Variants in RELN observed in about 807,000 individuals in gnomAD.
RELN encodes the protein reelin.
Under a neutral mutation model 427.6 loss-of-function variants are expected in RELN, and 108 were observed. The ratio of observed to expected loss-of-function variants is 0.25; its 90% CI spans 0.22 to 0.30. The LOEUF (loss-of-function observed/expected upper bound fraction) is 0.30. RELN is among the 10% of genes least tolerant of loss of function. The pLI is 1.00. For synonymous variants in RELN, 1,524 were observed against 1,513.4 expected (o/e 1.01, Z -0.16); for missense variants, 3,715 against 4,302.8 (o/e 0.86, Z 3.82).
At chr7:103,667,538 T>G (rs1361508637) in intron 11 of RELN, among the ~76,000 whole-genome samples, 3 of 152,182 alleles carry the variant, frequency 2.0e-5, no homozygotes, top group Non-Finnish European at 4.4e-5. Flanking sequence ...TTCAGGAAAA[T>G]AAATATAATG....
rs570023220 is a variant in RELN, at chr7:103,636,991, C to T, written c.2070-523G>A. On this transcript the variant is annotated intron_variant, in intron 17 of 64. Coordinates refer to ENST00000428762, the MANE Select transcript of RELN (RefSeq NM_005045.4). ...ATAAAGGGAATGTGTACACCCTTGACCTAGATAGATGTCCTTAGCAGAACT... is the reference window on the plus strand; with the variant it reads ...ATAAAGGGAATGTGTACACCCTTGATCTAGATAGATGTCCTTAGCAGAACT... Among the ~76,000 whole-genome samples the T allele has an allele frequency of 2.2e-4, 34 of 152,252 alleles. 1 individual carries two copies. In the South Asian group the frequency reaches 2.9e-3, roughly 13 times the overall value.
In RELN at chr7:103,964,568, TA is replaced by T. The variant is rs1388593285; in HGVS notation, c.226+24562del. Among the ~76,000 whole-genome samples the T allele has an allele frequency of 2.6e-5, 4 of 152,320 alleles. No homozygotes were observed. In the East Asian group the frequency reaches 7.7e-4, roughly 29 times the overall value. On this transcript the variant is annotated intron_variant, in intron 1 of 64. Transcript: ENST00000428762. ...CTATCACTCCTGGGAGTCCACTAAA[TA>T]AATTATTTAAAGAATTGCACCTAAA...
intron 3 of RELN, among the ~76,000 whole-genome samples, chr7:103,777,426 A>G (rs1199356017): frequency 6.6e-6 from 1 of 152,226 alleles, no homozygotes; most frequent in Non-Finnish European, 1.5e-5. Flanking sequence ...AGCCATACAC[A>G]AAACTTTTTT....
chr7:103,863,033 A>G (rs773957147), intron 2 of RELN, among the ~76,000 whole-genome samples: 24 of 152,174 alleles, frequency 1.6e-4, no homozygotes, highest in Non-Finnish European at 3.2e-4. Context: ...CCAAACACCA[A>G]GAGGGCAAAA....
intron 24 of RELN, among the ~76,000 whole-genome samples, chr7:103,599,017 T>A (rs995271910): frequency 3.3e-5 from 5 of 152,218 alleles, no homozygotes; most frequent in South Asian, 4.1e-4. Flanking sequence ...AATTCTAGGT[T>A]AAAATGATTT....
intron 50 of RELN, among the ~76,000 whole-genome samples, chr7:103,514,215 TAATG>T (rs1395677344): frequency 3.9e-5 from 6 of 152,184 alleles, no homozygotes; most frequent in Admixed American, 3.9e-4. Context: ...ATGGGATATA[TAATG>T]AATATCACTG....
At chr7:103,558,710 C>T (rs756192049) in intron 36 of RELN, among the ~76,000 whole-genome samples, 105 of 152,184 alleles carry the variant, frequency 6.9e-4, no homozygotes, top group Non-Finnish European at 2.1e-4. Flanking sequence ...ATTGACAACT[C>T]GAAAGGTTCT....
intron 2 of RELN, among the ~76,000 whole-genome samples, chr7:103,882,841 C>T (rs766455552): frequency 5.3e-5 from 8 of 152,130 alleles, no homozygotes; most frequent in Non-Finnish European, 7.4e-5. Context: ...GATTCACAGC[C>T]GAATTCTACC....
chr7:103,874,739 TC>T (rs1490765454), intron 2 of RELN, among the ~76,000 whole-genome samples: 1 of 150,896 alleles, frequency 6.6e-6, no homozygotes, highest in Non-Finnish European at 1.5e-5. Flanking sequence ...CATTCCATGT[TC>T]ATGGGTAGGA....
chr7:103,515,404 T>A lies in RELN; in HGVS notation c.7900A>T (p.Ile2634Phe). The part of the protein sequence containing the change: ...NILLPPDAKE[I>F]ATRFRWWQPR... ...TGCCACCAGCGGAAGCGAGTGGCAATCTCTTTAGCATCAGGAGGGAGAAGG... is the reference window on the plus strand; with the variant it reads ...TGCCACCAGCGGAAGCGAGTGGCAAACTCTTTAGCATCAGGAGGGAGAAGG... Residue 2634 changes from isoleucine to phenylalanine, a missense_variant, in exon 50 of 65, where the codon ATT becomes TTT. Transcript: ENST00000428762. 1.9e-6 allele frequency: 3 copies of A among 1,614,100 alleles called. No homozygotes were observed. The highest frequency in any genetic ancestry group is 2.5e-6 in the Non-Finnish European group (3 of 1,180,002).
At position 103,721,902 on chromosome 7, in the gene RELN, T is replaced by C. The variant is rs570427638; in HGVS notation, c.805+1238A>G. The stretch of plus-strand genomic sequence containing the variant: ...ACGCTACAGTTAAAAAAATTTGTTT[T>C]TGTAGCACCACAACTCTTTAAAAAT... On this transcript the variant is annotated intron_variant, in intron 8 of 64. Coordinates refer to ENST00000428762, the MANE Select transcript of RELN (RefSeq NM_005045.4). Among the ~76,000 whole-genome samples the C allele has an allele frequency of 1.0e-3, 156 of 152,214 alleles. 1 individual carries two copies. The highest frequency in any genetic ancestry group is 2.0e-3 in the Non-Finnish European group (135 of 68,032).
At chr7:103,708,130 A>T (rs1371151860) in intron 8 of RELN, among the ~76,000 whole-genome samples, 1 of 152,240 alleles carries the variant, frequency 6.6e-6, no homozygotes, top group Middle Eastern at 3.2e-3. Flanking sequence ...TTTAAATAGT[A>T]CTATCCCTGG....
chr7:103,814,381 A>G (rs2116349603), intron 3 of RELN, among the ~76,000 whole-genome samples: 1 of 152,314 alleles, frequency 6.6e-6, no homozygotes, highest in East Asian at 1.9e-4. Context: ...ATTCTGATTC[A>G]CTTATGATTA....
At chr7:103,771,119 G>T (rs1223230167) in intron 4 of RELN, among the ~76,000 whole-genome samples, 1 of 151,736 alleles carries the variant, frequency 6.6e-6, no homozygotes, top group Non-Finnish European at 1.5e-5. Flanking sequence ...GTTTCACTAT[G>T]TTGGCCAGGC....
intron 11 of RELN, among the ~76,000 whole-genome samples, chr7:103,675,623 T>C (rs1010818174): frequency 2.2e-4 from 33 of 152,102 alleles, no homozygotes; most frequent in African/African-American, 7.0e-4. Context: ...CGTCATGCTA[T>C]CTGACTTCAA....
intron 10 of RELN, among the ~76,000 whole-genome samples, chr7:103,684,805 T>A (rs1833730103): frequency 6.6e-6 from 1 of 152,202 alleles, no homozygotes; most frequent in South Asian, 2.1e-4. Context: ...AATCATTATT[T>A]CTAAATATAC....
chr7:103,562,829 C>A (rs1395094824), intron 34 of RELN, among the ~76,000 whole-genome samples: 2 of 152,230 alleles, frequency 1.3e-5, no homozygotes, highest in Non-Finnish European at 2.9e-5. Flanking sequence ...AACATATGCA[C>A]TGTCAAGACC....
At position 103,515,237 on chromosome 7, in the gene RELN, G is replaced by A. The variant is rs776667611; in HGVS notation, c.8067C>T (p.Ala2689=). ...VPQHERSPAD[A]GPVGRIAFDM... is the part of the protein sequence containing the mutation. ...CAAAGGCGATCCTCCCGACAGGGCC[G>A]GCATCTGCAGGGGAGCGCTCATGCT... is the stretch of plus-strand genomic sequence containing the variant. Residue 2689 remains alanine (A), a synonymous_variant, in exon 50 of 65, where the codon GCC becomes GCT. Coordinates refer to ENST00000428762, the MANE Select transcript of RELN (RefSeq NM_005045.4). 7 of 1,614,148 alleles carry A rather than the reference G, an allele frequency of 4.3e-6. No individual in the cohort carries two copies. Among genetic ancestry groups the A allele is most frequent in the South Asian group, 3.3e-5 (3 of 91,086 alleles).
intron 28 of RELN, among the ~76,000 whole-genome samples, chr7:103,581,666 T>C (rs772674303): frequency 1.0e-3 from 156 of 152,330 alleles, no homozygotes; most frequent in Non-Finnish European, 1.5e-3. Flanking sequence ...GCACTTCTTA[T>C]TAAAAAAGGA....
Sources: allele counts gnomAD v4.1 joint callset (sites outside exome capture counted in the v4.1 genomes callset), GRCh38; gene constraint gnomAD v4.1.1; transcripts MANE v1.5; gene names NCBI Gene and HGNC (gene_info 2026-07-23, HGNC 2026-07-21).